TYW1: variants seen among roughly 807,000 people sequenced by gnomAD.
The protein encoded by TYW1 is tRNA-yW synthesizing protein 1 homolog.
A neutral mutation model predicts 96.2 loss-of-function variants in TYW1; 46 were observed. The observed-to-expected ratio is 0.48, with a 90% CI of 0.38 to 0.61. TYW1 has a LOEUF of 0.61. Among genes scored for constraint, TYW1 ranks in the 20% least tolerant of loss-of-function variants. TYW1 has a pLI of 0.00. For missense variants in TYW1, 684 were observed against 909.6 expected (o/e 0.75, Z 3.19); for synonymous variants, 274 against 323.0 (o/e 0.85, Z 1.63).
chr7:67,237,513 A>AG (rs1161039411), intron 15 of TYW1, among the ~76,000 whole-genome samples: 1 of 151,952 alleles, frequency 6.6e-6, no homozygotes, highest in Non-Finnish European at 1.5e-5. Flanking sequence ...AAAAAAAAAA[A>AG]AAAAAGACAG....
intron 10 of TYW1, among the ~76,000 whole-genome samples, chr7:67,074,319 C>A (rs550062249): frequency 6.6e-6 from 1 of 152,232 alleles, no homozygotes; most frequent in South Asian, 2.1e-4. Flanking sequence ...CTAATCTCTT[C>A]TTAAGATTGT....
intron 13 of TYW1, among the ~76,000 whole-genome samples, chr7:67,154,484 T>TC (rs1398682909): frequency 7.4e-6 from 1 of 135,460 alleles, no homozygotes; most frequent in Non-Finnish European, 1.6e-5. Flanking sequence ...GATAAGCAGT[T>TC]TTTTTCTTTC....
chr7:67,132,113 C>G (rs1220101848), intron 13 of TYW1, among the ~76,000 whole-genome samples: 4 of 150,442 alleles, frequency 2.7e-5, no homozygotes, highest in Non-Finnish European at 4.4e-5. Flanking sequence ...CAAGTTGACA[C>G]TCAGTGTTAA....
At chr7:67,029,404 T>TATATACATATATATATATAC (rs1297487177) in intron 7 of TYW1, among the ~76,000 whole-genome samples, 23 of 126,814 alleles carry the variant, frequency 1.8e-4, no homozygotes, top group South Asian at 5.0e-4. Flanking sequence ...TGTGTGTGTG[T>TATATACATATATATATATAC]GTGTGTGTGT....
At position 67,117,342 on chromosome 7, in the gene TYW1, A is replaced by G. The variant is rs184683301; in HGVS notation, c.1563-141A>G. The stretch of plus-strand genomic sequence containing the variant: ...GTCACATGATTAAAATCATTAGTTC[A>G]GTCTTTTGGGGGAAGTGGAAGTCTC... On this transcript the variant is annotated intron_variant, in intron 12 of 15. Coordinates refer to ENST00000359626, the MANE Select transcript of TYW1 (RefSeq NM_018264.4). 689 of 871,822 alleles carry G rather than the reference A, an allele frequency of 7.9e-4. 11 individuals are homozygous for G. In the East Asian group the frequency reaches 0.021, roughly 26 times the overall value. 54.0% of individuals were successfully genotyped at this position (871,822 alleles called of 1,614,324 possible). A position where few individuals can be genotyped will look rare whatever the true frequency, so the allele number is the denominator to read the frequency against.
At chr7:67,192,043 G>GCAC (rs1462671885) in intron 14 of TYW1, among the ~76,000 whole-genome samples, 1 of 151,678 alleles carries the variant, frequency 6.6e-6, no homozygotes, top group Non-Finnish European at 1.5e-5. Flanking sequence ...TTACAGGCGG[G>GCAC]CACCACCACG....
chr7:67,010,676 CG>C (rs1465150588), intron 4 of TYW1, among the ~76,000 whole-genome samples: 4 of 151,822 alleles, frequency 2.6e-5, no homozygotes, highest in African/African-American at 9.7e-5. Flanking sequence ...GGGGTTTCAC[CG>C]TGTTCGCCAG....
At chr7:67,154,429 G>A (rs1200081617) in intron 13 of TYW1, among the ~76,000 whole-genome samples, 1 of 151,894 alleles carries the variant, frequency 6.6e-6, no homozygotes, top group Non-Finnish European at 1.5e-5. Flanking sequence ...GTCTGGGAAA[G>A]ACTTTATTTC....
chr7:67,127,373 T>C (rs1430330065), intron 13 of TYW1, among the ~76,000 whole-genome samples: 1 of 152,024 alleles, frequency 6.6e-6, no homozygotes, highest in African/African-American at 2.4e-5. Context: ...TTGGCCAGGC[T>C]GGTCTTGAAC....
chr7:67,041,709 T>A (rs1795028797), intron 7 of TYW1, among the ~76,000 whole-genome samples: 1 of 152,156 alleles, frequency 6.6e-6, no homozygotes, highest in Non-Finnish European at 1.5e-5. Context: ...TCGAGGGAAG[T>A]AGTACGTGCC....
In TYW1 at chr7:67,163,035, A is replaced by G. The variant is rs374720704; in HGVS notation, c.1699-20091A>G. On this transcript the variant is annotated intron_variant, in intron 13 of 15. Transcript: ENST00000359626. Reference sequence around the variant, plus strand: ...CAGCTGTTTACATTTTGTATTCCTTACTAGTCATTCGTTCTTTGAATATTC... The same window carrying G: ...CAGCTGTTTACATTTTGTATTCCTTGCTAGTCATTCGTTCTTTGAATATTC... Among the ~76,000 whole-genome samples, 7 of 152,138 alleles carry G rather than the reference A, an allele frequency of 4.6e-5. No individual in the cohort carries two copies. The East Asian group carries it at 1.4e-3, about 29-fold the overall frequency.
chr7:67,124,151 A>T (rs1389282101), intron 13 of TYW1, among the ~76,000 whole-genome samples: 1 of 152,256 alleles, frequency 6.6e-6, no homozygotes, highest in African/African-American at 2.4e-5. Context: ...CAGTTACTAT[A>T]CTGCATTACA....
intron 5 of TYW1, 48 bp from the exon 6 acceptor site, chr7:67,017,805 C>A (rs1389194805): frequency 2.2e-5 from 34 of 1,567,820 alleles, no homozygotes; most frequent in Non-Finnish European, 2.8e-5. Flanking sequence ...TCTGGAAAAC[C>A]CTGATTTAGA....
At chr7:67,046,959 A>G (rs1483967342) in intron 7 of TYW1, among the ~76,000 whole-genome samples, 11 of 151,718 alleles carry the variant, frequency 7.3e-5, no homozygotes, top group Non-Finnish European at 1.0e-4. Context: ...TCTGTTTAAA[A>G]CCCCAAGAAG....
chr7:67,070,576 A>G (rs1334762396), intron 10 of TYW1, among the ~76,000 whole-genome samples: 2 of 151,688 alleles, frequency 1.3e-5, no homozygotes, highest in Non-Finnish European at 2.9e-5. Flanking sequence ...ATTCTTTCAC[A>G]TCTTCTGTTT....
At chr7:67,081,154 G>A (rs7795081) in intron 10 of TYW1, among the ~76,000 whole-genome samples, 26,955 of 132,070 alleles carry the variant, frequency 0.2, 2,889 homozygotes, top group African/African-American at 0.31. Context: ...AATTCCCTCA[G>A]TTTTTACTTG....
At chr7:67,159,118 C>CTAAAA (rs1799077491) in intron 13 of TYW1, among the ~76,000 whole-genome samples, 1 of 152,116 alleles carries the variant, frequency 6.6e-6, no homozygotes, top group Non-Finnish European at 1.5e-5. Context: ...GCTTCGATTA[C>CTAAAA]TGATTTTTTT....
At chr7:67,163,101 A>G (rs1469936914) in intron 13 of TYW1, among the ~76,000 whole-genome samples, 1 of 152,062 alleles carries the variant, frequency 6.6e-6, no homozygotes, top group African/African-American at 2.4e-5. Context: ...CATGTTGTAA[A>G]TTTCCGCATT....
chr7:67,235,294 T>C (rs969843321), intron 15 of TYW1, among the ~76,000 whole-genome samples: 1 of 152,218 alleles, frequency 6.6e-6, no homozygotes, highest in Non-Finnish European at 1.5e-5. Flanking sequence ...TATGTTGTAT[T>C]ATAATTATTT....
Sources: allele counts gnomAD v4.1 joint callset (sites outside exome capture counted in the v4.1 genomes callset), GRCh38; gene constraint gnomAD v4.1.1; transcripts MANE v1.5; gene names NCBI Gene and HGNC (gene_info 2026-07-23, HGNC 2026-07-21).